The following SHISA6 variants were observed in gnomAD, a reference collection of about 807,000 sequenced individuals.
SHISA6 encodes shisa family member 6.
Under a neutral mutation model 47.9 loss-of-function variants are expected in SHISA6, and 22 were observed. The ratio of observed to expected loss-of-function variants is 0.46; its 90% CI spans 0.33 to 0.66. The LOEUF (loss-of-function observed/expected upper bound fraction) is 0.66, where lower values mean the gene tolerates loss of function less well. Among genes scored for constraint, SHISA6 ranks in the 30% least tolerant of loss-of-function variants. The probability of loss-of-function intolerance (pLI) is 0.02; values close to 1 mark genes in which losing one functional copy is unlikely to be tolerated. For missense variants in SHISA6, 680 were observed against 764.6 expected (o/e 0.89, Z 1.30); for synonymous variants, 388 against 337.8 (o/e 1.15, Z -1.63).
At chr17:11,527,762 G>T (rs112982172) in intron 3 of SHISA6, among the ~76,000 whole-genome samples, 2,748 of 152,228 alleles carry the variant, frequency 0.018, 71 homozygotes, top group East Asian at 0.087. Context: ...AAGAGAGACC[G>T]TACAGCCTAC....
chr17:11,356,570 A>G (rs1481641544), intron 2 of SHISA6, among the ~76,000 whole-genome samples: 1 of 152,138 alleles, frequency 6.6e-6, no homozygotes, highest in Non-Finnish European at 1.5e-5. Flanking sequence ...CTTGACTGAC[A>G]GCTGTGGAGG....
intron 2 of SHISA6, among the ~76,000 whole-genome samples, chr17:11,293,511 G>A (rs1178321208): frequency 6.6e-6 from 1 of 152,130 alleles, no homozygotes; most frequent in Non-Finnish European, 1.5e-5. Flanking sequence ...CATGGATCAG[G>A]AAACTTGGTG....
chr17:11,453,717 C>A (rs926907331), intron 3 of SHISA6, among the ~76,000 whole-genome samples: 1 of 152,108 alleles, frequency 6.6e-6, no homozygotes, highest in Admixed American at 6.6e-5. Flanking sequence ...GAAAACTACT[C>A]GACAAAAACG....
intron 3 of SHISA6, among the ~76,000 whole-genome samples, chr17:11,449,167 C>G (rs1449307972): frequency 6.6e-6 from 1 of 151,986 alleles, no homozygotes; most frequent in East Asian, 1.9e-4. Context: ...TGGGGCTGGG[C>G]GTGGTGGCTC....
At chr17:11,449,764 C>T (rs1915334549) in intron 3 of SHISA6, among the ~76,000 whole-genome samples, 1 of 152,250 alleles carries the variant, frequency 6.6e-6, no homozygotes, top group Admixed American at 6.5e-5. Context: ...AAGGGAAAAT[C>T]TGCCTAGCGT....
chr17:11,317,686 C>A (rs1910571175), intron 2 of SHISA6, among the ~76,000 whole-genome samples: 1 of 150,882 alleles, frequency 6.6e-6, no homozygotes, highest in Non-Finnish European at 1.5e-5. Flanking sequence ...TCCTTTCTTC[C>A]CTCCCTCCGT....
intron 2 of SHISA6, among the ~76,000 whole-genome samples, chr17:11,365,286 A>G (rs1046177568): frequency 1.3e-5 from 2 of 151,968 alleles, no homozygotes; most frequent in Non-Finnish European, 1.5e-5. Flanking sequence ...TATTATTATT[A>G]TTATTATTTG....
intron 2 of SHISA6, among the ~76,000 whole-genome samples, chr17:11,303,351 A>C (rs573112452): frequency 6.6e-6 from 1 of 151,200 alleles, no homozygotes; most frequent in South Asian, 2.1e-4. Flanking sequence ...GGTCGTGAGT[A>C]TGGTTGTGTG....
At chr17:11,276,985 G>A (rs2142157569) in intron 2 of SHISA6, among the ~76,000 whole-genome samples, 1 of 152,282 alleles carries the variant, frequency 6.6e-6, no homozygotes, top group East Asian at 1.9e-4. Flanking sequence ...ATTGTATGGA[G>A]GGTACGAGGG....
chr17:11,418,942 G>A (rs373731265), intron 3 of SHISA6, among the ~76,000 whole-genome samples: 7 of 152,050 alleles, frequency 4.6e-5, no homozygotes, highest in African/African-American at 1.2e-4. Context: ...CTTACCTGGC[G>A]CTAACTGAGA....
intron 2 of SHISA6, among the ~76,000 whole-genome samples, chr17:11,317,367 CT>C (rs916814116): frequency 2.7e-4 from 40 of 149,722 alleles, no homozygotes; most frequent in East Asian, 1.4e-3. Flanking sequence ...TGTTTTGATG[CT>C]TTTTTTTTGC....
intron 3 of SHISA6, among the ~76,000 whole-genome samples, chr17:11,493,186 A>G (rs2071379299): frequency 6.6e-6 from 1 of 152,148 alleles, no homozygotes; most frequent in Admixed American, 6.5e-5. Flanking sequence ...ACTTAGCCAA[A>G]TAGGACTCCT....
At chr17:11,381,251 A>G (rs1231604883) in intron 3 of SHISA6, among the ~76,000 whole-genome samples, 1 of 152,040 alleles carries the variant, frequency 6.6e-6, no homozygotes, top group Non-Finnish European at 1.5e-5. Flanking sequence ...AACCCAAAAC[A>G]CCCAACACTT....
rs76761393 is a variant in SHISA6, at chr17:11,551,717, G to C, written c.896-179G>C. Among the ~76,000 whole-genome samples, 404 of 152,316 alleles carry C rather than the reference G, an allele frequency of 2.7e-3. 1 individual carries two copies. The highest frequency in any genetic ancestry group is 9.4e-3 in the African/African-American group (390 of 41,570). On this transcript the variant is annotated intron_variant, in intron 3 of 5. Transcript: ENST00000441885. ...CAGAGGAAACCCTGTTGCAGAAGGA[G>C]AGAGACAGAAACAGCAGGGGACGTT... is the stretch of plus-strand genomic sequence containing the variant.
chr17:11,383,124 G>C (rs528769549), intron 3 of SHISA6, among the ~76,000 whole-genome samples: 1 of 152,012 alleles, frequency 6.6e-6, no homozygotes. Context: ...TTTTAGTAGA[G>C]ACAGGGCTTC....
chr17:11,425,344 C>A (rs1914582382), intron 3 of SHISA6, among the ~76,000 whole-genome samples: 1 of 152,014 alleles, frequency 6.6e-6, no homozygotes, highest in African/African-American at 2.4e-5. Flanking sequence ...CAATCTAGAT[C>A]ATGCTCCCCT....
chr17:11,332,522 C>G (rs1014360703), intron 2 of SHISA6, among the ~76,000 whole-genome samples: 6 of 152,082 alleles, frequency 3.9e-5, no homozygotes, highest in African/African-American at 1.2e-4. Flanking sequence ...ATAAACACAC[C>G]GCTGATGTGT....
chr17:11,497,710 T>C (rs537854150), intron 3 of SHISA6, among the ~76,000 whole-genome samples: 6 of 152,302 alleles, frequency 3.9e-5, no homozygotes, highest in South Asian at 2.1e-4. Flanking sequence ...TCACTCCTCA[T>C]AAGATCTTTC....
chr17:11,421,858 G>T (rs1374171121), intron 3 of SHISA6, among the ~76,000 whole-genome samples: 3 of 152,190 alleles, frequency 2.0e-5, no homozygotes, highest in Admixed American at 6.5e-5. Flanking sequence ...AGTCAGGGAA[G>T]GCAGAGGAGC....
Sources: gnomAD v4.1 joint callset for allele counts (sites outside exome capture counted in the v4.1 genomes callset) on GRCh38, gnomAD v4.1.1 for gene constraint, MANE v1.5 for transcripts, NCBI Gene and HGNC (gene_info 2026-07-23, HGNC 2026-07-21) for gene names.